The following AFAP1L2 variants were observed in gnomAD, a reference collection of about 807,000 sequenced individuals.
AFAP1L2 encodes actin filament-associated protein 1-like 2.
A neutral mutation model predicts 99.3 loss-of-function variants in AFAP1L2; 46 were observed. The ratio of observed to expected loss-of-function variants is 0.46; its 90% CI spans 0.37 to 0.59. AFAP1L2 has a LOEUF of 0.59. Ranked by LOEUF, AFAP1L2 falls within the 20% of genes least tolerant of loss-of-function variation. The probability of loss-of-function intolerance (pLI) is 0.00; values close to 1 mark genes in which losing one functional copy is unlikely to be tolerated. For synonymous variants in AFAP1L2, 397 were observed against 419.1 expected (o/e 0.95, Z 0.64); for missense variants, 959 against 1,034.9 (o/e 0.93, Z 1.01).
intron 4 of AFAP1L2, among the ~76,000 whole-genome samples, chr10:114,328,697 T>C (rs1376065338): frequency 6.6e-6 from 1 of 152,222 alleles, no homozygotes; most frequent in Non-Finnish European, 1.5e-5. Flanking sequence ...CTCCTCCTCC[T>C]TCAGAGCCAC....
In AFAP1L2 at chr10:114,398,865, C is replaced by T. The variant is rs1254533460; in HGVS notation, c.16+5575G>A. The T allele has an allele frequency of 5.4e-6, 7 of 1,304,298 alleles. No homozygotes were observed. The Admixed American group carries it at 9.2e-5, about 17-fold the overall frequency. 80.8% of individuals were successfully genotyped at this position (1,304,298 alleles called of 1,614,324 possible). ...CTCATACTCACACGCAGAAACCTGC[C>T]GGATCCTTCTCTGTACCACCAGACA... On this transcript the variant is annotated intron_variant, in intron 1 of 18. Transcript: ENST00000304129.
intron 1 of AFAP1L2, 39 bp from the exon 2 acceptor site, chr10:114,340,770 C>T (rs754187958): frequency 7.4e-6 from 12 of 1,613,678 alleles, no homozygotes; most frequent in Middle Eastern, 1.6e-4. Context: ...AGTGGCTGCC[C>T]GCTCTCCAAA....
intron 1 of AFAP1L2, among the ~76,000 whole-genome samples, chr10:114,389,450 T>A (rs1214963737): frequency 1.3e-5 from 2 of 152,144 alleles, no homozygotes; most frequent in Non-Finnish European, 2.9e-5. Flanking sequence ...ACCCCCTAGC[T>A]CAGAGTCTAG....
Position 114,353,147 on chromosome 10 carries a change from T to C in AFAP1L2, c.17-12416A>G, listed in dbSNP as rs376095022. 2.5e-4 allele frequency among the ~76,000 whole-genome samples: 38 copies of C among 152,264 alleles called. No homozygotes were observed. In the South Asian group the frequency reaches 7.7e-3, roughly 31 times the overall value. On this transcript the variant is annotated intron_variant, in intron 1 of 18. Transcript: ENST00000304129. ...GAGCCAAGCCAATGAGCATCAGCCA[T>C]GGGACTCTTCCTGGAACTACTAGGA...
At chr10:114,329,342 G>C (rs1339381587) in intron 4 of AFAP1L2, among the ~76,000 whole-genome samples, 1 of 152,156 alleles carries the variant, frequency 6.6e-6, no homozygotes, top group Non-Finnish European at 1.5e-5. Context: ...TACAGCTGTA[G>C]CCAGGTCCCA....
intron 1 of AFAP1L2, among the ~76,000 whole-genome samples, chr10:114,396,656 T>C (rs2057750915): frequency 6.6e-6 from 1 of 152,166 alleles, no homozygotes; most frequent in African/African-American, 2.4e-5. Context: ...ATAACTTTAT[T>C]GGTAGAAAAA....
chr10:114,315,788 C>A (rs747969696), intron 5 of AFAP1L2, 23 bp from the exon 6 acceptor site: 4 of 1,594,370 alleles, frequency 2.5e-6, no homozygotes, highest in Admixed American at 3.5e-5. Context: ...CCAGCTCGGT[C>A]AGGGCCCCAT....
At chr10:114,362,073 G>A (rs2052511744) in intron 1 of AFAP1L2, among the ~76,000 whole-genome samples, 2 of 152,194 alleles carry the variant, frequency 1.3e-5, no homozygotes, top group Non-Finnish European at 2.9e-5. Flanking sequence ...CAAGTGCTGT[G>A]AACTTCAGCA....
At chr10:114,282,759 AT>A in the AFAP1L2 span, among the ~76,000 whole-genome samples, 1 of 152,202 alleles carries the variant, frequency 6.6e-6, no homozygotes, top group Non-Finnish European at 1.5e-5. Flanking sequence ...CTCATTAAGA[AT>A]GGAGTGGCGG....
downstream of AFAP1L2, chr10:114,294,722 T>A (rs1005949133): frequency 2.4e-5 from 18 of 752,642 alleles, no homozygotes; most frequent in Non-Finnish European, 1.9e-5. Context: ...AGTTTCCTGC[T>A]AGGATCCCAT....
intron 1 of AFAP1L2, among the ~76,000 whole-genome samples, chr10:114,348,723 C>T (rs1482978263): frequency 6.6e-6 from 1 of 152,186 alleles, no homozygotes; most frequent in Non-Finnish European, 1.5e-5. Flanking sequence ...TCAGCCCGGG[C>T]TGCACACTGG....
At chr10:114,327,966 G>A (rs187225605) in intron 4 of AFAP1L2, among the ~76,000 whole-genome samples, 62 of 152,234 alleles carry the variant, frequency 4.1e-4, no homozygotes, top group African/African-American at 1.4e-3. Context: ...GGGATTAAGT[G>A]GTTTCCCCCA....
At position 114,300,557 on chromosome 10, in the gene AFAP1L2, G is replaced by T; in HGVS notation, c.1676C>A (p.Ser559Tyr). ...GPSSAQAQAS[S>Y]PTLSCLDNAT... The stretch of plus-strand genomic sequence containing the variant: ...ATTGTCCAGGCAGGACAACGTCGGG[G>T]AGGAGGCCTGGGCCTGTGCACTGCT... Residue 559 changes from serine (S) to tyrosine (Y), a missense_variant, in exon 14 of 19, where the codon TCC becomes TAC. By Grantham distance (144) the Ser-to-Tyr change is moderately radical. Coordinates refer to ENST00000304129, the MANE Select transcript of AFAP1L2 (RefSeq NM_001001936.3). 6.2e-7 allele frequency: 1 copy of T among 1,614,184 alleles called. No individual in the cohort carries two copies. The highest frequency in any genetic ancestry group is 8.5e-7 in the Non-Finnish European group (1 of 1,180,014).
intron 1 of AFAP1L2, among the ~76,000 whole-genome samples, chr10:114,343,497 G>A (rs2049086912): frequency 6.6e-6 from 1 of 152,178 alleles, no homozygotes; most frequent in African/African-American, 2.4e-5. Context: ...TGTCTCCCTG[G>A]CATTGCTGGT....
At chr10:114,288,871 C>T in the AFAP1L2 span, 2 of 1,535,704 alleles carry the variant, frequency 1.3e-6, no homozygotes, top group Admixed American at 1.9e-5. Context: ...CCTGGCAGTC[C>T]CTGGGTCCCG....
the AFAP1L2 span, chr10:114,284,938 G>T: frequency 6.2e-7 from 1 of 1,604,230 alleles, no homozygotes; most frequent in East Asian, 2.3e-5. Flanking sequence ...CAGTGCCTCT[G>T]CCCGCTGGCC....
At chr10:114,304,625 TC>T (rs1361954174) in intron 11 of AFAP1L2, 93 bp downstream of exon 11, 9 of 1,189,086 alleles carry the variant, frequency 7.6e-6, no homozygotes, top group Middle Eastern at 2.9e-4. Flanking sequence ...ACATTGATTC[TC>T]CCTTAGTAGC....
intron 4 of AFAP1L2, among the ~76,000 whole-genome samples, chr10:114,330,664 G>A (rs1370653064): frequency 6.6e-6 from 1 of 152,194 alleles, no homozygotes; most frequent in African/African-American, 2.4e-5. Flanking sequence ...ACTTGCTCAA[G>A]TTCAAAGAGC....
chr10:114,374,649 C>T (rs2137127568), intron 1 of AFAP1L2, among the ~76,000 whole-genome samples: 1 of 152,094 alleles, frequency 6.6e-6, no homozygotes, highest in Admixed American at 6.5e-5. Context: ...GAACTCACCC[C>T]CTCGCTGGAT....
Sources: gnomAD v4.1 joint callset for allele counts (sites outside exome capture counted in the v4.1 genomes callset) on GRCh38, gnomAD v4.1.1 for gene constraint, MANE v1.5 for transcripts, NCBI Gene and HGNC (gene_info 2026-07-23, HGNC 2026-07-21) for gene names.